Variants in RIT2 observed in about 807,000 individuals in gnomAD.
The protein encoded by RIT2 is GTP-binding protein Rit2.
RIT2 carries 24 observed loss-of-function variants against 23.7 expected under a neutral mutation model. The ratio of observed to expected loss-of-function variants is 1.01; its 90% CI spans 0.73 to 1.43. The LOEUF is 1.43. Ranked by LOEUF, RIT2 falls within the 40% of genes most tolerant of loss-of-function variation. The probability of loss-of-function intolerance (pLI) is 0.00; values close to 1 mark genes in which losing one functional copy is unlikely to be tolerated. For missense variants in RIT2, 236 were observed against 266.9 expected, an observed-to-expected ratio of 0.88 and a Z score of 0.81; for synonymous variants, 107 against 91.1, an observed-to-expected ratio of 1.17 and a Z score of -0.99.
At chr18:43,065,324 G>A (rs1912747416) in intron 1 of RIT2, among the ~76,000 whole-genome samples, 1 of 150,052 alleles carries the variant, frequency 6.7e-6, no homozygotes, top group African/African-American at 2.5e-5. Context: ...TAAAACTCCT[G>A]GGCTCAAGCG....
intron 4 of RIT2, among the ~76,000 whole-genome samples, chr18:42,861,363 A>G (rs912853808): frequency 2.6e-5 from 4 of 152,208 alleles, no homozygotes; most frequent in Non-Finnish European, 5.9e-5. Context: ...CATCTCTGGC[A>G]TCTCCTGACT....
intron 1 of RIT2, among the ~76,000 whole-genome samples, chr18:43,036,199 T>A (rs575323933): frequency 6.6e-6 from 1 of 152,258 alleles, no homozygotes; most frequent in African/African-American, 2.4e-5. Flanking sequence ...ACAGCCAACA[T>A]CAGAAATAAA....
intron 4 of RIT2, among the ~76,000 whole-genome samples, chr18:42,877,965 A>G (rs1445600104): frequency 6.6e-6 from 1 of 151,928 alleles, no homozygotes; most frequent in African/African-American, 2.4e-5. Flanking sequence ...CTTCGGTCTC[A>G]TTCCCAAGAT....
chr18:42,934,032 A>G (rs1018703816), intron 3 of RIT2, among the ~76,000 whole-genome samples: 2 of 40,322 alleles, frequency 5.0e-5, no homozygotes, highest in Admixed American at 6.6e-4. Context: ...AGAAAAAAAA[A>G]AAAAAAGAAA....
intron 3 of RIT2, among the ~76,000 whole-genome samples, chr18:42,970,289 C>G (rs555939806): frequency 6.6e-6 from 1 of 151,986 alleles, no homozygotes; most frequent in South Asian, 2.1e-4. Flanking sequence ...CAAAGCTGTG[C>G]TTGTTTCCTA....
chr18:42,988,151 A>G (rs1049737648), intron 2 of RIT2, among the ~76,000 whole-genome samples: 1 of 152,162 alleles, frequency 6.6e-6, no homozygotes, highest in African/African-American at 2.4e-5. Flanking sequence ...GAATACAACA[A>G]TGTGGTTCAA....
chr18:43,106,209 C>T (rs910898903), intron 1 of RIT2, among the ~76,000 whole-genome samples: 1 of 152,140 alleles, frequency 6.6e-6, no homozygotes, highest in Non-Finnish European at 1.5e-5. Flanking sequence ...CCATTCATTG[C>T]AGGAAGAAAT....
At chr18:42,753,410 G>A (rs563355238) in intron 4 of RIT2, among the ~76,000 whole-genome samples, 2 of 152,304 alleles carry the variant, frequency 1.3e-5, no homozygotes, top group South Asian at 4.1e-4. Flanking sequence ...CTAACCTTGA[G>A]TGAGGGAGTG....
chr18:43,028,663 C>A (rs984448885), intron 2 of RIT2, among the ~76,000 whole-genome samples: 1 of 151,994 alleles, frequency 6.6e-6, no homozygotes, highest in African/African-American at 2.4e-5. Flanking sequence ...AATATCCTCC[C>A]TTCTCCAGAC....
intron 4 of RIT2, among the ~76,000 whole-genome samples, chr18:42,910,053 A>G (rs866826959): frequency 6.6e-6 from 1 of 152,148 alleles, no homozygotes; most frequent in Admixed American, 6.6e-5. Flanking sequence ...TAACACATTG[A>G]CACCAGCAGG....
chr18:42,815,748 G>A (rs1002684921), intron 4 of RIT2, among the ~76,000 whole-genome samples: 2 of 152,066 alleles, frequency 1.3e-5, no homozygotes, highest in Non-Finnish European at 2.9e-5. Flanking sequence ...GGGGGGAAAC[G>A]TACTTTTTAG....
intron 4 of RIT2, among the ~76,000 whole-genome samples, chr18:42,891,423 A>T (rs900153026): frequency 4.6e-5 from 7 of 152,204 alleles, no homozygotes; most frequent in Non-Finnish European, 1.0e-4. Context: ...TATAGAAAAT[A>T]AAAATGTCAT....
chr18:42,833,558 T>G (rs1331435711), intron 4 of RIT2, among the ~76,000 whole-genome samples: 1 of 152,166 alleles, frequency 6.6e-6, no homozygotes, highest in Non-Finnish European at 1.5e-5. Flanking sequence ...ACATTACAAA[T>G]ACATTTATAT....
intron 4 of RIT2, among the ~76,000 whole-genome samples, chr18:42,898,466 C>T (rs1380711055): frequency 6.6e-6 from 1 of 152,098 alleles, no homozygotes; most frequent in East Asian, 1.9e-4. Flanking sequence ...CAGGTTTAAA[C>T]ATTGAGGACC....
chr18:43,097,820 C>T (rs77543730), intron 1 of RIT2, among the ~76,000 whole-genome samples: 1,785 of 152,012 alleles, frequency 0.012, 20 homozygotes, highest in South Asian at 0.02. Context: ...GTGAACTTGC[C>T]GTTACATAAA....
intron 4 of RIT2, among the ~76,000 whole-genome samples, chr18:42,864,349 A>G (rs554376980): frequency 6.6e-6 from 1 of 152,346 alleles, no homozygotes; most frequent in South Asian, 2.1e-4. Context: ...ACAAATCCAC[A>G]TGAAACCTCT....
At chr18:42,846,444 C>T (rs1906911535) in intron 4 of RIT2, among the ~76,000 whole-genome samples, 1 of 151,912 alleles carries the variant, frequency 6.6e-6, no homozygotes, top group Admixed American at 6.6e-5. Flanking sequence ...ATTATTCTTG[C>T]TTGGTATGGC....
chr18:42,750,968 G>T (rs1360727903), intron 4 of RIT2, among the ~76,000 whole-genome samples: 1 of 151,832 alleles, frequency 6.6e-6, no homozygotes. Flanking sequence ...AATAATGTTG[G>T]TCTCACTTGA....
chr18:43,074,877 C>T (rs1342955584), intron 1 of RIT2, among the ~76,000 whole-genome samples: 1 of 152,144 alleles, frequency 6.6e-6, no homozygotes, highest in Non-Finnish European at 1.5e-5. Context: ...AGGGGAACAA[C>T]ACAGGCTGGG....
Sources: gnomAD v4.1 joint callset for allele counts (sites outside exome capture counted in the v4.1 genomes callset) on GRCh38, gnomAD v4.1.1 for gene constraint, MANE v1.5 for transcripts, NCBI Gene and HGNC (gene_info 2026-07-23, HGNC 2026-07-21) for gene names.